The following CSMD3 variants were observed in gnomAD, a reference collection of about 807,000 sequenced individuals.
The protein encoded by CSMD3 is CUB and Sushi multiple domains 3.
CSMD3 carries 177 observed loss-of-function variants against 435.2 expected under a neutral mutation model. That is an observed-to-expected ratio of 0.41 (90% CI 0.36 to 0.46). The LOEUF (loss-of-function observed/expected upper bound fraction) is 0.46. CSMD3 is among the 20% of genes least tolerant of loss of function. The pLI is 0.34. For synonymous variants in CSMD3, 1,656 were observed against 1,520.5 expected, an observed-to-expected ratio of 1.09 and a Z score of -2.07; for missense variants, 4,265 against 4,504.6, an observed-to-expected ratio of 0.95 and a Z score of 1.52.
At chr8:112,360,242 T>C (rs1052577137) in intron 38 of CSMD3, among the ~76,000 whole-genome samples, 2 of 151,976 alleles carry the variant, frequency 1.3e-5, no homozygotes, top group Non-Finnish European at 2.9e-5. Flanking sequence ...TTCATTTCTC[T>C]TCCTTTCTAA....
At chr8:113,337,816 A>G (rs1397420289) in intron 1 of CSMD3, among the ~76,000 whole-genome samples, 1 of 151,100 alleles carries the variant, frequency 6.6e-6, no homozygotes, top group African/African-American at 2.4e-5. Flanking sequence ...TATATTCTTG[A>G]AATTTACTAA....
intron 3 of CSMD3, among the ~76,000 whole-genome samples, chr8:113,266,094 G>C (rs1269780204): frequency 6.7e-6 from 1 of 149,004 alleles, no homozygotes; most frequent in African/African-American, 2.5e-5. Context: ...TAATTGACTT[G>C]ATTCTAAATT....
chr8:113,010,942 A>G (rs1352910021), intron 6 of CSMD3, among the ~76,000 whole-genome samples: 1 of 151,622 alleles, frequency 6.6e-6, no homozygotes, highest in South Asian at 2.1e-4. Context: ...CGATTTATTA[A>G]GTACACTCTT....
chr8:113,313,730 G>A (rs1271440193), intron 2 of CSMD3: 2 of 152,080 alleles, frequency 1.3e-5, no homozygotes, highest in East Asian at 1.9e-4. Context: ...ATTCCTACAT[G>A]TTACCTTCTT....
At chr8:113,032,819 T>C (rs2131248745) in intron 5 of CSMD3, among the ~76,000 whole-genome samples, 1 of 151,536 alleles carries the variant, frequency 6.6e-6, no homozygotes, top group African/African-American at 2.4e-5. Context: ...ATTCCAGGCC[T>C]AGGAGGAAAA....
intron 16 of CSMD3, among the ~76,000 whole-genome samples, chr8:112,668,515 C>A (rs1586929754): frequency 6.6e-6 from 1 of 152,060 alleles, no homozygotes; most frequent in African/African-American, 2.4e-5. Flanking sequence ...AGCATTCCGA[C>A]TAGCCACTCA....
At chr8:112,768,089 A>G (rs1587232238) in intron 13 of CSMD3, among the ~76,000 whole-genome samples, 1 of 151,728 alleles carries the variant, frequency 6.6e-6, no homozygotes, top group African/African-American at 2.4e-5. Context: ...AATTTGACAT[A>G]TAGTTTATGT....
intron 10 of CSMD3, among the ~76,000 whole-genome samples, chr8:112,888,084 CCTGAG>C (rs2081663237): frequency 6.6e-6 from 1 of 151,588 alleles, no homozygotes; most frequent in African/African-American, 2.4e-5. Context: ...GATGTCTATT[CCTGAG>C]AAACATATCA....
intron 13 of CSMD3, among the ~76,000 whole-genome samples, chr8:112,748,946 C>A (rs1256654631): frequency 6.6e-6 from 1 of 152,164 alleles, no homozygotes; most frequent in Admixed American, 6.5e-5. Flanking sequence ...AACTTATTTA[C>A]ACTCCCATCA....
chr8:113,311,382 G>A (rs961658073), intron 2 of CSMD3: 4 of 151,978 alleles, frequency 2.6e-5, no homozygotes, highest in Admixed American at 6.6e-5. Flanking sequence ...ATCCCAGTGT[G>A]TTTATTTATA....
At chr8:112,623,984 C>A (rs913799067) in intron 22 of CSMD3, among the ~76,000 whole-genome samples, 62 of 151,994 alleles carry the variant, frequency 4.1e-4, no homozygotes, top group African/African-American at 1.3e-3. Context: ...ATGAGAGAAT[C>A]CTGATCTGTT....
intron 13 of CSMD3, among the ~76,000 whole-genome samples, chr8:112,740,623 G>T (rs2077284254): frequency 6.6e-6 from 1 of 151,890 alleles, no homozygotes; most frequent in African/African-American, 2.4e-5. Flanking sequence ...AAGGAAGTCT[G>T]GTTGAGATCA....
intron 31 of CSMD3, among the ~76,000 whole-genome samples, chr8:112,488,518 G>GA (rs1440121486): frequency 6.6e-6 from 1 of 152,066 alleles, no homozygotes; most frequent in East Asian, 1.9e-4. Context: ...TCACTCCTAG[G>GA]AATCACAGTT....
intron 59 of CSMD3, among the ~76,000 whole-genome samples, chr8:112,276,288 T>C (rs1818032714): frequency 6.6e-6 from 1 of 152,178 alleles, no homozygotes; most frequent in African/African-American, 2.4e-5. Flanking sequence ...AGGTACAGCC[T>C]CCCTCTCACC....
At chr8:112,430,083 C>T (rs575951768) in intron 32 of CSMD3, among the ~76,000 whole-genome samples, 11 of 152,116 alleles carry the variant, frequency 7.2e-5, no homozygotes, top group African/African-American at 2.6e-4. Context: ...TTGTCCTACA[C>T]ATCCAAGGCT....
intron 38 of CSMD3, among the ~76,000 whole-genome samples, chr8:112,355,174 A>C (rs890209740): frequency 3.3e-5 from 5 of 152,188 alleles, no homozygotes; most frequent in Non-Finnish European, 7.3e-5. Flanking sequence ...ATAGACACCT[A>C]TCTCTCACAT....
intron 8 of CSMD3, among the ~76,000 whole-genome samples, chr8:112,949,478 ACT>A (rs1179233422): frequency 6.6e-6 from 1 of 151,802 alleles, no homozygotes; most frequent in Non-Finnish European, 1.5e-5. Flanking sequence ...TTGGCTCACA[ACT>A]CTCTATATTT....
intron 41 of CSMD3, among the ~76,000 whole-genome samples, chr8:112,342,629 T>G (rs1055031306): frequency 2.6e-5 from 4 of 152,058 alleles, no homozygotes; most frequent in Non-Finnish European, 5.9e-5. Context: ...AATGACCCAG[T>G]AGGCTTGAAC....
At chr8:112,250,428 C>T (rs1815159263) in intron 63 of CSMD3, among the ~76,000 whole-genome samples, 1 of 151,270 alleles carries the variant, frequency 6.6e-6, no homozygotes, top group East Asian at 1.9e-4. Context: ...ATTGTTTATC[C>T]AGAACTTGTT....
Sources: allele counts gnomAD v4.1 joint callset (sites outside exome capture counted in the v4.1 genomes callset), GRCh38; gene constraint gnomAD v4.1.1; transcripts MANE v1.5; gene names NCBI Gene and HGNC (gene_info 2026-07-23, HGNC 2026-07-21).